The following SLC2A7 variants were observed in gnomAD, a reference collection of about 807,000 sequenced individuals.
SLC2A7 encodes solute carrier family 2 member 7, also known as solute carrier family 2, facilitated glucose transporter member 7.
In SLC2A7, 50 loss-of-function variants were observed where a neutral mutation model predicts 50.5. That is an observed-to-expected ratio of 0.99 (90% CI 0.79 to 1.25). SLC2A7 has a LOEUF of 1.25. SLC2A7 is among the 50% of genes most tolerant of loss of function. The pLI, the probability that SLC2A7 is intolerant of heterozygous loss-of-function variation, is 0.00. For synonymous variants in SLC2A7, 308 were observed against 300.4 expected (o/e 1.03, Z -0.26); for missense variants, 683 against 679.1 (o/e 1.01, Z -0.06).
Position 9,014,841 on chromosome 1 carries a change from T to A in SLC2A7, c.743A>T (p.Asp248Val). The A allele has an allele frequency of 6.2e-7, 1 of 1,604,184 alleles. No homozygotes were observed. The part of the protein sequence containing the change: ...QALRRLRGHT[D>V]MEAELEDMRA... Reference sequence around the variant, plus strand: ...CATGTCCTCCAGCTCGGCCTCCATGTCCGTGTGGCCTCTCAGCCTCCTCAG... The same window carrying A: ...CATGTCCTCCAGCTCGGCCTCCATGACCGTGTGGCCTCTCAGCCTCCTCAG... Residue 248 changes from aspartate to valine, a missense_variant, in exon 7 of 12, where the codon GAC (aspartate) becomes GTC (valine). Physicochemically the swap from Asp to Val is radical, Grantham distance 152. Coordinates refer to ENST00000400906, the MANE Select transcript of SLC2A7 (RefSeq NM_207420.3).
Position 9,022,924 on chromosome 1 carries a change from C to T in SLC2A7, c.305G>A (p.Cys102Tyr), listed in dbSNP as rs563615341. ...SLLVGLLVDS[C>Y]GRKGTLLINN... is the part of the protein sequence containing the mutation. Reference sequence around the variant, plus strand: ...CAGTGCACCTTCTGTTTACCTGCCGCAGCTATCAACCAGCAGGCCCACGAG... The same window carrying T: ...CAGTGCACCTTCTGTTTACCTGCCGTAGCTATCAACCAGCAGGCCCACGAG... The change falls in exon 3 of 12, where the codon TGC becomes TAC. Residue 102 changes from cysteine (C) to tyrosine (Y), a missense_variant. Physicochemically the swap from Cys to Tyr is radical, Grantham distance 194. Coordinates refer to ENST00000400906, the MANE Select transcript of SLC2A7 (RefSeq NM_207420.3). 6.2e-7 allele frequency: 1 copy of T among 1,613,956 alleles called. No homozygotes were observed. The highest frequency in any genetic ancestry group is 2.2e-5 in the East Asian group (1 of 44,880).
At chr1:9,022,322 T>C in intron 3 of SLC2A7, among the ~76,000 whole-genome samples, 1 of 152,212 alleles carries the variant, frequency 6.6e-6, no homozygotes, top group Non-Finnish European at 1.5e-5. Flanking sequence ...CTGGGAACCT[T>C]GGCCTGTGCA....
At chr1:9,019,066 G>A in intron 4 of SLC2A7, 143 bp downstream of exon 4, 1 of 1,076,542 alleles carries the variant, frequency 9.3e-7, no homozygotes, top group Non-Finnish European at 1.3e-6. Flanking sequence ...CATGAGGCTT[G>A]CAAGGGCCTG....
chr1:9,019,222 C>A lies in SLC2A7; in HGVS notation c.423G>T (p.Leu141=). 6.2e-7 allele frequency: 1 copy of A among 1,613,952 alleles called. No individual in the cohort carries two copies. The highest frequency in any genetic ancestry group is 1.1e-5 in the South Asian group (1 of 91,062). Residue 141 remains leucine, a synonymous_variant, in exon 4 of 12, where the codon CTG becomes CTT. Transcript: ENST00000400906. ...GGCCCCAGGTACCTGCACAGACTCC[C>A]AGCACCACTCGGGAAAAGACGATCA... is the stretch of plus-strand genomic sequence containing the variant. ...FELIVFSRVV[L]GVCAGISYSA...
intron 3 of SLC2A7, among the ~76,000 whole-genome samples, chr1:9,021,073 G>A (rs997668796): frequency 2.0e-5 from 3 of 152,068 alleles, no homozygotes; most frequent in African/African-American, 4.8e-5. Flanking sequence ...TATCAGCAGC[G>A]TGAAAATGGA....
Position 9,023,076 on chromosome 1 carries a change from G to A in SLC2A7, c.153C>T (p.Val51=), listed in dbSNP as rs763000208. 6.2e-6 allele frequency: 10 copies of A among 1,613,258 alleles called. No homozygotes were observed. In the Admixed American group the frequency reaches 1.5e-4, roughly 24 times the overall value. The change falls in exon 3 of 12, where the codon GTC becomes GTT. Residue 51 remains valine, a splice_region_variant and synonymous_variant. Transcript: ENST00000400906. The part of the protein sequence containing the change: ...NLSVVNTPHK[V]FKSFYNETYF... ...AGGTTTCGTTGTAAAATGACTTGAA[G>A]ACCTGGAAAACATTGCCCCATCCAC...
rs1332226480 is a variant in SLC2A7 at position 9,008,169 on chromosome 1, CG to C, written c.1117-785del. The stretch of plus-strand genomic sequence containing the variant: ...GTCAACGGACTTCAGCCAAACTAAC[CG>C]GGTGCCCCCAGATGAACTTCCCAGG... On this transcript the variant is annotated intron_variant, in intron 9 of 11. Transcript: ENST00000400906. The surrounding 1 kb of genome is among the most constrained non-coding windows in gnomAD (Gnocchi z 5.9). Among the ~76,000 whole-genome samples the C allele has an allele frequency of 6.6e-6, 1 of 152,088 alleles. No individual in the cohort carries two copies. Among genetic ancestry groups the C allele is most frequent in the Non-Finnish European group, 1.5e-5 (1 of 68,038 alleles).
rs1257193398 is a variant in SLC2A7 at position 9,018,242 on chromosome 1, G to A, written c.570C>T (p.Ala190=). Reference sequence around the variant, plus strand: ...GGTTACCTGCCGGGTTGCCCAAGATGGCCTGGAGGCTGAAGATCTGTGCTA... The same window carrying A: ...GGTTACCTGCCGGGTTGCCCAAGATAGCCTGGAGGCTGAAGATCTGTGCTA... ...VFLAQIFSLQ[A]ILGNPAGWPV... is the part of the protein sequence containing the mutation. Residue 190 remains alanine (A), a synonymous_variant, in exon 5 of 12, where the codon GCC becomes GCT. Coordinates refer to ENST00000400906, the MANE Select transcript of SLC2A7 (RefSeq NM_207420.3). 1.2e-6 allele frequency: 2 copies of A among 1,613,956 alleles called. No individual in the cohort carries two copies. The highest frequency in any genetic ancestry group is 2.7e-5 in the African/African-American group (2 of 74,898).
chr1:9,005,943 A>G lies in SLC2A7; in HGVS notation c.1193-1064T>C, dbSNP rs79177249. Among the ~76,000 whole-genome samples the G allele has an allele frequency of 5.7e-3, 863 of 152,144 alleles. 13 individuals carry two copies. Among genetic ancestry groups the G allele is most frequent in the African/African-American group, 0.02 (843 of 41,494 alleles). On this transcript the variant is annotated intron_variant, in intron 10 of 11. Transcript: ENST00000400906. Reference sequence around the variant, plus strand: ...CCCGGGCCCCTTCTCCAGGGCCCTGACCCCAAAGTGGACGCCGGCAGGGAT... The same window carrying G: ...CCCGGGCCCCTTCTCCAGGGCCCTGGCCCCAAAGTGGACGCCGGCAGGGAT...
chr1:9,023,139 G>A, intron 2 of SLC2A7, 61 bp from the exon 3 acceptor site: 1 of 1,544,560 alleles, frequency 6.5e-7, no homozygotes, highest in Non-Finnish European at 8.8e-7. Flanking sequence ...AAATGAGAAA[G>A]TGTTCTCAGT....
In SLC2A7 at chr1:9,024,961, C is replaced by T; in HGVS notation, c.150+15G>A. The T allele has an allele frequency of 6.2e-7, 1 of 1,613,560 alleles. No individual in the cohort carries two copies. The highest frequency in any genetic ancestry group is 2.2e-5 in the East Asian group (1 of 44,874). On this transcript the variant is annotated intron_variant, in intron 2 of 11. Transcript: ENST00000400906. ...AGCTGCTGCCCGGCCCACCTTGTGCCCACCTTGTGCCCACCTTGTGCGGCG... is the reference window on the plus strand; with the variant it reads ...AGCTGCTGCCCGGCCCACCTTGTGCTCACCTTGTGCCCACCTTGTGCGGCG...
In SLC2A7 at chr1:9,024,976, C is replaced by T. The variant is rs915476713; in HGVS notation, c.150G>A (p.Lys50=). 6 of 1,613,818 alleles carry T rather than the reference C, an allele frequency of 3.7e-6. No homozygotes were observed. In the African/African-American group the frequency reaches 8.0e-5, roughly 22 times the overall value. The change falls in exon 2 of 12, where the codon AAG becomes AAA. Residue 50 remains lysine (K), a splice_region_variant and synonymous_variant. Coordinates refer to ENST00000400906, the MANE Select transcript of SLC2A7 (RefSeq NM_207420.3). ...YNLSVVNTPH[K]VFKSFYNETY... ...CACCTTGTGCCCACCTTGTGCCCAC[C>T]TTGTGCGGCGTGTTGACCACAGAGA...
intron 8 of SLC2A7, among the ~76,000 whole-genome samples, chr1:9,011,987 T>A (rs28518779): frequency 7.2e-5 from 11 of 151,940 alleles, no homozygotes; most frequent in African/African-American, 2.7e-4. Flanking sequence ...TGACGTCAGG[T>A]GATCCGCCCG....
downstream of SLC2A7, among the ~76,000 whole-genome samples, chr1:8,998,293 TACTC>T (rs1306378965): frequency 6.6e-6 from 1 of 152,070 alleles, no homozygotes; most frequent in Non-Finnish European, 1.5e-5. Context: ...CAATCCCAGT[TACTC>T]AGGAGGCTGA....
At chr1:8,993,871 C>T in the SLC2A7 span, among the ~76,000 whole-genome samples, 2 of 152,144 alleles carry the variant, frequency 1.3e-5, no homozygotes, top group Admixed American at 1.3e-4. Flanking sequence ...TTGTGATCCA[C>T]CTGCCTTGGC....
At chr1:8,997,627 T>C in the SLC2A7 span, among the ~76,000 whole-genome samples, 1 of 152,068 alleles carries the variant, frequency 6.6e-6, no homozygotes, top group African/African-American at 2.4e-5. Flanking sequence ...CTCGAACTCC[T>C]GACCTGGTGA....
In SLC2A7 at chr1:9,023,063, A is replaced by G. The variant is rs1000798268; in HGVS notation, c.166T>C (p.Tyr56His). ...NTPHKVFKSF[Y>H]NETYFERHAT... ...TGTCGCTCAAAGTAGGTTTCGTTGT[A>G]AAATGACTTGAAGACCTGGAAAACA... The change falls in exon 3 of 12, where the codon TAC (tyrosine) becomes CAC (histidine). Residue 56 changes from tyrosine (Y) to histidine (H), a missense_variant. By Grantham distance (83) the Tyr-to-His change is moderately conservative. Coordinates refer to ENST00000400906, the MANE Select transcript of SLC2A7 (RefSeq NM_207420.3). The G allele has an allele frequency of 1.4e-5, 22 of 1,613,642 alleles. No individual in the cohort carries two copies. Among genetic ancestry groups the G allele is most frequent in the Non-Finnish European group, 1.8e-5 (21 of 1,179,738 alleles).
intron 1 of SLC2A7, 129 bp from the exon 2 acceptor site, chr1:9,025,203 A>G: frequency 3.3e-6 from 3 of 918,230 alleles, no homozygotes; most frequent in Non-Finnish European, 5.0e-6. Flanking sequence ...GTGCCCCCGG[A>G]AAAGAGGAGG....
chr1:9,005,863 C>T (rs1264720960), intron 10 of SLC2A7, among the ~76,000 whole-genome samples: 1 of 152,134 alleles, frequency 6.6e-6, no homozygotes, highest in East Asian at 1.9e-4. Context: ...AATTCAAAGC[C>T]CCTGAATGAA....
Sources: gnomAD v4.1 joint callset for allele counts (sites outside exome capture counted in the v4.1 genomes callset) on GRCh38, gnomAD v4.1.1 for gene constraint, Gnocchi (gnomAD v3.1) non-coding constraint, MANE v1.5 for transcripts, NCBI Gene and HGNC (gene_info 2026-07-23, HGNC 2026-07-21) for gene names.